Variants in CDC14A observed in about 807,000 individuals in gnomAD.
CDC14A encodes cell division cycle 14A.
A neutral mutation model predicts 74.4 loss-of-function variants in CDC14A; 53 were observed. The ratio of observed to expected loss-of-function variants is 0.71; its 90% CI spans 0.57 to 0.89. The LOEUF is 0.89. Among genes scored for constraint, CDC14A ranks in the 40% least tolerant of loss-of-function variants. The probability of loss-of-function intolerance (pLI) is 0.00; values close to 1 mark genes in which losing one functional copy is unlikely to be tolerated. For missense variants in CDC14A, 646 were observed against 713.7 expected, an observed-to-expected ratio of 0.91 and a Z score of 1.08; for synonymous variants, 247 against 258.4, an observed-to-expected ratio of 0.96 and a Z score of 0.43.
chr1:100,379,987 T>C (rs1168499023), intron 3 of CDC14A, among the ~76,000 whole-genome samples: 1 of 152,130 alleles, frequency 6.6e-6, no homozygotes, highest in African/African-American at 2.4e-5. Context: ...AGGCCCCACC[T>C]CTTAACACTG....
At chr1:100,502,663 G>T (rs191780675) in intron 15 of CDC14A, among the ~76,000 whole-genome samples, 10 of 152,296 alleles carry the variant, frequency 6.6e-5, no homozygotes, top group South Asian at 2.1e-4. Flanking sequence ...CAGTAGCATT[G>T]GTAGCTTGAC....
intron 5 of CDC14A, among the ~76,000 whole-genome samples, chr1:100,429,144 T>G (rs1663306352): frequency 6.6e-6 from 1 of 150,748 alleles, no homozygotes; most frequent in Non-Finnish European, 1.5e-5. Flanking sequence ...GCAGAGGTTG[T>G]GGTGAGCCAA....
intron 13 of CDC14A, 32 bp from the exon 14 acceptor site, chr1:100,498,053 A>G (rs747167888): frequency 1.2e-5 from 19 of 1,602,042 alleles, no homozygotes; most frequent in Non-Finnish European, 1.4e-5. Flanking sequence ...AGACTACTTT[A>G]TTGTGACACT....
At chr1:100,435,973 C>T (rs1664281684) in intron 5 of CDC14A, among the ~76,000 whole-genome samples, 1 of 151,946 alleles carries the variant, frequency 6.6e-6, no homozygotes, top group Non-Finnish European at 1.5e-5. Context: ...TAGTAGGGAC[C>T]TGAAAATGTT....
At chr1:100,391,110 T>A in intron 4 of CDC14A, 1 of 406,080 alleles carries the variant, frequency 2.5e-6, no homozygotes, top group Non-Finnish European at 4.6e-6. Context: ...CAAGGACATT[T>A]CTAGGAAAAA....
At chr1:100,401,529 T>G (rs1440143816) in intron 4 of CDC14A, among the ~76,000 whole-genome samples, 1 of 152,190 alleles carries the variant, frequency 6.6e-6, no homozygotes, top group Non-Finnish European at 1.5e-5. Context: ...TAAAACAAAG[T>G]GTGTTATATA....
At position 100,359,790 on chromosome 1, in the gene CDC14A, AT is replaced by A. The variant is rs200808896; in HGVS notation, c.140+5949del. ...TGCTTACCTGGTGTAACTTAAGGTG[AT>A]TTTTTTTTTTAAGGTATTCTCCAAA... On this transcript the variant is annotated intron_variant, in intron 2 of 15. Transcript: ENST00000336454. 8.8e-3 allele frequency among the ~76,000 whole-genome samples: 1,293 copies of A among 147,048 alleles called. 17 individuals are homozygous for A. Among genetic ancestry groups the A allele is most frequent in the African/African-American group, 0.03 (1,213 of 40,324 alleles).
intron 2 of CDC14A, among the ~76,000 whole-genome samples, chr1:100,359,260 G>A (rs1055019287): frequency 2.0e-5 from 3 of 152,252 alleles, no homozygotes; most frequent in Admixed American, 6.5e-5. Context: ...ACAAGCCTAG[G>A]AGTTAGATGC....
chr1:100,375,625 G>A (rs940814302), intron 2 of CDC14A, among the ~76,000 whole-genome samples: 7 of 152,258 alleles, frequency 4.6e-5, no homozygotes, highest in South Asian at 2.1e-4. Context: ...TTAGAATGGC[G>A]ATCATTAAAA....
At chr1:100,359,414 T>C (rs1487216380) in intron 2 of CDC14A, among the ~76,000 whole-genome samples, 1 of 152,192 alleles carries the variant, frequency 6.6e-6, no homozygotes, top group Non-Finnish European at 1.5e-5. Flanking sequence ...CCAGTTGGCC[T>C]GAGACTGATG....
intron 2 of CDC14A, among the ~76,000 whole-genome samples, chr1:100,356,682 C>T (rs1348614431): frequency 8.6e-5 from 13 of 151,526 alleles, no homozygotes; most frequent in East Asian, 1.9e-4. Context: ...GTTGAAACCC[C>T]GTCTCTACTA....
chr1:100,491,570 A>ATTTTT (rs1181639723), intron 11 of CDC14A, among the ~76,000 whole-genome samples: 21 of 64,918 alleles, frequency 3.2e-4, no homozygotes, highest in South Asian at 1.7e-3. Flanking sequence ...ATATATATAT[A>ATTTTT]TATTTTTTTT....
intron 1 of CDC14A, among the ~76,000 whole-genome samples, chr1:100,346,235 T>A (rs763594557): frequency 2.0e-5 from 3 of 152,150 alleles, no homozygotes; most frequent in Non-Finnish European, 2.9e-5. Flanking sequence ...AGCTCACTAA[T>A]ATTTCTCAGC....
intron 10 of CDC14A, among the ~76,000 whole-genome samples, chr1:100,480,163 T>A (rs1229565899): frequency 6.6e-6 from 1 of 152,310 alleles, no homozygotes; most frequent in Non-Finnish European, 1.5e-5. Flanking sequence ...CTCCACCCCC[T>A]ACCCAAGTCC....
At position 100,352,538 on chromosome 1, in the gene CDC14A, C is replaced by A; in HGVS notation, c.-417C>A. 1 of 1,040,060 alleles carries A rather than the reference C, an allele frequency of 9.6e-7. No individual in the cohort carries two copies. The allele number at this position is 1,040,060 out of a possible 1,614,324, so 64.4% of individuals were successfully genotyped here. ...GCTGCCAGCCCGCGGGCACTGAAGT[C>A]CTCCCGGCTGCCGCTCGAGTAGCCA... On this transcript the variant is annotated 5_prime_UTR_variant, in exon 1 of 16. Coordinates refer to ENST00000336454, the MANE Select transcript of CDC14A (RefSeq NM_003672.4).
chr1:100,421,583 T>C (rs1662371002), intron 4 of CDC14A, among the ~76,000 whole-genome samples: 1 of 152,226 alleles, frequency 6.6e-6, no homozygotes, highest in Non-Finnish European at 1.5e-5. Flanking sequence ...GTTAACAGTT[T>C]GAAGTCCCCT....
intron 4 of CDC14A, among the ~76,000 whole-genome samples, chr1:100,417,149 G>T (rs572851998): frequency 3.5e-4 from 54 of 152,298 alleles, no homozygotes; most frequent in Admixed American, 2.9e-3. Context: ...TAAGGCAGGG[G>T]CCTGATCTTA....
intron 7 of CDC14A, among the ~76,000 whole-genome samples, chr1:100,452,005 G>T (rs1666192719): frequency 6.6e-6 from 1 of 152,142 alleles, no homozygotes; most frequent in Non-Finnish European, 1.5e-5. Flanking sequence ...AATGAATGTT[G>T]AATTGCGCTT....
At chr1:100,372,372 G>A (rs1034987534) in intron 2 of CDC14A, among the ~76,000 whole-genome samples, 13 of 152,180 alleles carry the variant, frequency 8.5e-5, no homozygotes, top group Non-Finnish European at 1.9e-4. Context: ...CTATTTGATA[G>A]CATTTTACTT....
Sources: gnomAD v4.1 joint callset for allele counts (sites outside exome capture counted in the v4.1 genomes callset) on GRCh38, gnomAD v4.1.1 for gene constraint, MANE v1.5 for transcripts, NCBI Gene and HGNC (gene_info 2026-07-23, HGNC 2026-07-21) for gene names.